STYX: variants seen among roughly 807,000 people sequenced by gnomAD.
STYX encodes serine/threonine/tyrosine-interacting protein.
STYX carries 20 observed loss-of-function variants against 42.7 expected under a neutral mutation model. The observed-to-expected ratio is 0.47, with a 90% CI of 0.33 to 0.68. The LOEUF (loss-of-function observed/expected upper bound fraction) is 0.68, where lower values mean the gene tolerates loss of function less well. Among genes scored for constraint, STYX ranks in the 30% least tolerant of loss-of-function variants. The probability of loss-of-function intolerance (pLI) is 0.02; values close to 1 mark genes in which losing one functional copy is unlikely to be tolerated. For synonymous variants in STYX, 78 were observed against 81.9 expected, an observed-to-expected ratio of 0.95 and a Z score of 0.26; for missense variants, 226 against 268.5, an observed-to-expected ratio of 0.84 and a Z score of 1.11.
At chr14:52,763,571 G>A (rs1882184221) in intron 9 of STYX, among the ~76,000 whole-genome samples, 1 of 151,942 alleles carries the variant, frequency 6.6e-6, no homozygotes, top group Non-Finnish European at 1.5e-5. Flanking sequence ...TGTGATTTCA[G>A]TTTTGGTTTC....
chr14:52,759,825 A>T lies in STYX; in HGVS notation c.504+71A>T. 3.0e-6 allele frequency: 3 copies of T among 991,902 alleles called. No homozygotes were observed. The South Asian group carries it at 4.3e-5, about 14-fold the overall frequency. The allele number at this position is 991,902 out of a possible 1,614,324, so 61.4% of individuals were successfully genotyped here. A position where few individuals can be genotyped will look rare whatever the true frequency, so the allele number is the denominator to read the frequency against. ...TCTTTTATACATGTAATTTAGGTGT[A>T]CAATTTACTTTGTGAATACTTAAAA... On this transcript the variant is annotated intron_variant, in intron 9 of 10. Coordinates refer to ENST00000354586, the MANE Select transcript of STYX (RefSeq NM_145251.4).
intron 1 of STYX, chr14:52,731,837 A>G (rs1880717252): frequency 6.6e-6 from 1 of 151,902 alleles, no homozygotes; most frequent in African/African-American, 2.4e-5. Flanking sequence ...CACTGTTGCA[A>G]AATGTAGTGC....
rs1019061482 is a variant in STYX, at chr14:52,771,314, T to A, written c.*208T>A. The A allele has an allele frequency of 1.3e-4, 64 of 481,904 alleles. No individual in the cohort carries two copies. The highest frequency in any genetic ancestry group is 2.0e-4 in the Non-Finnish European group (54 of 272,340). 29.9% of individuals were successfully genotyped at this position (481,904 alleles called of 1,614,324 possible). On this transcript the variant is annotated 3_prime_UTR_variant, in exon 11 of 11. Transcript: ENST00000354586. The stretch of plus-strand genomic sequence containing the variant: ...ACACTGATGGTTTTACTCCTTTTTT[T>A]AAAAACACATGCGCGCGCACACACA...
At chr14:52,753,933 G>A (rs1479499369) in intron 4 of STYX, among the ~76,000 whole-genome samples, 3 of 113,134 alleles carry the variant, frequency 2.7e-5, no homozygotes, top group African/African-American at 6.9e-5. Flanking sequence ...ACAGAGTCTC[G>A]CTCTGTCATC....
intron 4 of STYX, among the ~76,000 whole-genome samples, chr14:52,753,541 C>T (rs1881717906): frequency 6.6e-6 from 1 of 152,040 alleles, no homozygotes; most frequent in African/African-American, 2.4e-5. Context: ...CCTCCAGGAA[C>T]CCCCATGAAT....
rs750717349 is a variant in STYX, at chr14:52,768,824, C to CT, written c.505-14dup. The CT allele has an allele frequency of 0.038, 45,661 of 1,215,216 alleles. 5 individuals carry two copies. Among genetic ancestry groups the CT allele is most frequent in the South Asian group, 0.051 (3,230 of 63,434 alleles). 75.3% of individuals were successfully genotyped at this position (1,215,216 alleles called of 1,614,324 possible). On this transcript the variant is annotated splice_polypyrimidine_tract_variant and intron_variant, in intron 9 of 10. Transcript: ENST00000354586. Reference sequence around the variant, plus strand: ...GTAAATATATAATTAAGTTAATTAACTTATTTTTTTTTTAGGAATATGAAG... The same window carrying CT: ...GTAAATATATAATTAAGTTAATTAACTTTATTTTTTTTTTAGGAATATGAAG...
intron 9 of STYX, among the ~76,000 whole-genome samples, chr14:52,762,546 G>A (rs1882134166): frequency 6.6e-6 from 1 of 151,734 alleles, no homozygotes; most frequent in Admixed American, 6.6e-5. Context: ...TCAGGATTTT[G>A]GAATCAGTTA....
chr14:52,757,980 T>C, intron 8 of STYX, 56 bp downstream of exon 8: 6 of 1,570,946 alleles, frequency 3.8e-6, no homozygotes, highest in Non-Finnish European at 5.2e-6. Context: ...AAATGAAACT[T>C]AATGGGAATA....
At chr14:52,739,268 C>G (rs573144778) in intron 1 of STYX, among the ~76,000 whole-genome samples, 3 of 152,220 alleles carry the variant, frequency 2.0e-5, no homozygotes, top group African/African-American at 7.2e-5. Context: ...TTGCCTTACA[C>G]AAGTATTTCC....
chr14:52,733,232 T>G (rs186143564), intron 1 of STYX, among the ~76,000 whole-genome samples: 34 of 152,346 alleles, frequency 2.2e-4, no homozygotes, highest in Non-Finnish European at 4.4e-4. Context: ...ACTTTGCATT[T>G]AATCTGTTAC....
Position 52,768,824 on chromosome 14 carries a change from C to CTTTTT in STYX, c.505-14_505-13insTTTTT, listed in dbSNP as rs750717349. The CTTTTT allele has an allele frequency of 7.7e-7, 1 of 1,291,194 alleles. No individual in the cohort carries two copies. The allele number at this position is 1,291,194 out of a possible 1,614,324, so 80.0% of individuals were successfully genotyped here. ...GTAAATATATAATTAAGTTAATTAA[C>CTTTTT]TTATTTTTTTTTTAGGAATATGAAG... On this transcript the variant is annotated splice_polypyrimidine_tract_variant and intron_variant, in intron 9 of 10. Transcript: ENST00000354586.
chr14:52,754,234 A>G (rs1377696129), intron 4 of STYX, among the ~76,000 whole-genome samples: 1 of 150,526 alleles, frequency 6.6e-6, no homozygotes, highest in Non-Finnish European at 1.5e-5. Flanking sequence ...TTTTTCAAAG[A>G]TAGGATCTTT....
At chr14:52,766,179 T>C (rs1325328493) in intron 9 of STYX, among the ~76,000 whole-genome samples, 3 of 152,106 alleles carry the variant, frequency 2.0e-5, no homozygotes, top group Non-Finnish European at 2.9e-5. Flanking sequence ...TTGTTTGTTG[T>C]TGTTTGAGAC....
chr14:52,746,596 C>A, intron 3 of STYX, 117 bp downstream of exon 3: 1 of 796,892 alleles, frequency 1.3e-6, no homozygotes, highest in Non-Finnish European at 2.0e-6. Context: ...TGTCTGTTAA[C>A]AGTAATTGTC....
At chr14:52,752,242 G>T (rs924385736) in intron 4 of STYX, among the ~76,000 whole-genome samples, 2 of 151,804 alleles carry the variant, frequency 1.3e-5, no homozygotes, top group Non-Finnish European at 2.9e-5. Context: ...GCTGAGGAGG[G>T]TGGATCACGA....
chr14:52,744,514 C>CA (rs147833110), intron 1 of STYX, among the ~76,000 whole-genome samples: 119 of 151,998 alleles, frequency 7.8e-4, no homozygotes, highest in African/African-American at 2.8e-3. Flanking sequence ...GCATGAGAAA[C>CA]AAAAAAAATC....
Position 52,744,814 on chromosome 14 carries a change from A to C in STYX, c.58-38A>C, listed in dbSNP as rs1426775582. The C allele has an allele frequency of 3.1e-6, 5 of 1,605,282 alleles. No individual in the cohort carries two copies. The African/African-American group carries it at 6.7e-5, about 22-fold the overall frequency. ...TAGCCTTTAATTGGGTGACTTTTTA[A>C]ATGTTATCTACTTTTATTCTTATGT... On this transcript the variant is annotated intron_variant, in intron 1 of 10. Coordinates refer to ENST00000354586, the MANE Select transcript of STYX (RefSeq NM_145251.4).
At chr14:52,757,600 A>G (rs1054978221) in intron 6 of STYX, 143 bp from the exon 7 acceptor site, 2 of 820,806 alleles carry the variant, frequency 2.4e-6, no homozygotes, top group African/African-American at 1.7e-5. Flanking sequence ...TATTCTCTAC[A>G]CAGTTGATAA....
At chr14:52,762,532 T>C (rs990960956) in intron 9 of STYX, among the ~76,000 whole-genome samples, 3 of 152,194 alleles carry the variant, frequency 2.0e-5, no homozygotes, top group Non-Finnish European at 4.4e-5. Flanking sequence ...GCTAATCTTT[T>C]TGTTCAGGAT....
Sources: gnomAD v4.1 joint callset for allele counts (sites outside exome capture counted in the v4.1 genomes callset) on GRCh38, gnomAD v4.1.1 for gene constraint, MANE v1.5 for transcripts, NCBI Gene and HGNC (gene_info 2026-07-23, HGNC 2026-07-21) for gene names.